Variants in LPIN2 observed in about 807,000 individuals in gnomAD.
LPIN2 encodes lipin 2.
A neutral mutation model predicts 111.4 loss-of-function variants in LPIN2; 55 were observed. The observed-to-expected ratio is 0.49, with a 90% CI of 0.40 to 0.62. The LOEUF (loss-of-function observed/expected upper bound fraction) is 0.62, where lower values mean the gene tolerates loss of function less well. Among genes scored for constraint, LPIN2 ranks in the 20% least tolerant of loss-of-function variants. LPIN2 has a pLI of 0.00. For missense variants in LPIN2, 992 were observed against 1,112.1 expected (o/e 0.89, Z 1.54); for synonymous variants, 425 against 414.0 (o/e 1.03, Z -0.32).
At chr18:2,966,948 T>C (rs1226477195) in intron 1 of LPIN2, 17 of 152,090 alleles carry the variant, frequency 1.1e-4, no homozygotes, top group Admixed American at 7.9e-4. Context: ...CTTCAGGAAA[T>C]AGACAACAGG....
intron 1 of LPIN2, among the ~76,000 whole-genome samples, chr18:3,010,274 G>A (rs1463618895): frequency 6.6e-6 from 1 of 152,184 alleles, no homozygotes; most frequent in African/African-American, 2.4e-5. Flanking sequence ...AAGCCGCTAA[G>A]CCAAGTTATT....
chr18:2,928,448 T>G, intron 11 of LPIN2, 143 bp downstream of exon 11: 1 of 824,664 alleles, frequency 1.2e-6, no homozygotes. Flanking sequence ...TGGGTACATA[T>G]GACTTTGATC....
chr18:2,925,231 T>C lies in LPIN2; in HGVS notation c.1931A>G (p.Asp644Gly), dbSNP rs1278329924. The stretch of plus-strand genomic sequence containing the variant: ...AGATCATGCAAGACTCACGATCTGG[T>C]CTGAGGAGAGGCGGAGAGACTTCTT... ...SYKKSLRLSSDQIAKLKLHDG... is the reference protein window; with the variant it reads ...SYKKSLRLSSGQIAKLKLHDG... Residue 644 changes from aspartate (D) to glycine (G), a missense_variant, in exon 14 of 20, where the codon GAC becomes GGC. This residue lies in a region of LPIN2 where 709 missense variants were observed against 753.2 expected (regional missense o/e 0.94). Transcript: ENST00000677752. This position sits in a 1 kb window ranked among gnomAD's most constrained non-coding sequence, Gnocchi z 4.1. The C allele has an allele frequency of 6.2e-7, 1 of 1,614,182 alleles. No homozygotes were observed. Among genetic ancestry groups the C allele is most frequent in the Non-Finnish European group, 8.5e-7 (1 of 1,180,018 alleles).
At chr18:2,971,406 C>T (rs946389049) in intron 1 of LPIN2, among the ~76,000 whole-genome samples, 1 of 151,752 alleles carries the variant, frequency 6.6e-6, no homozygotes, top group African/African-American at 2.4e-5. Flanking sequence ...GGATCTGTTG[C>T]TGTGAGTGCC....
chr18:2,980,187 G>C (rs2078086452), intron 1 of LPIN2, among the ~76,000 whole-genome samples: 1 of 152,198 alleles, frequency 6.6e-6, no homozygotes, highest in Non-Finnish European at 1.5e-5. Context: ...CAGAAAGAAA[G>C]AGGAAATTCT....
chr18:2,936,332 ACC>A (rs2077284495), intron 7 of LPIN2, among the ~76,000 whole-genome samples: 1 of 152,224 alleles, frequency 6.6e-6, no homozygotes, highest in African/African-American at 2.4e-5. Flanking sequence ...GTATGTTCTG[ACC>A]CACTGTACCA....
chr18:2,966,280 A>G (rs2077802426), intron 1 of LPIN2, among the ~76,000 whole-genome samples: 1 of 152,148 alleles, frequency 6.6e-6, no homozygotes, highest in Admixed American at 6.5e-5. Flanking sequence ...GTGTTTCAAA[A>G]TCTGTTTCTT....
intron 9 of LPIN2, among the ~76,000 whole-genome samples, chr18:2,929,399 G>A (rs1043866450): frequency 2.0e-5 from 3 of 151,998 alleles, no homozygotes; most frequent in Non-Finnish European, 4.4e-5. Context: ...TAGTAAAAAG[G>A]GACATGACAG....
chr18:3,008,603 G>A (rs948709644), intron 1 of LPIN2, among the ~76,000 whole-genome samples: 27 of 152,194 alleles, frequency 1.8e-4, no homozygotes, highest in African/African-American at 4.3e-4. Flanking sequence ...TAAAGTTTCC[G>A]AAGGATGCTT....
At chr18:2,997,792 G>T (rs1025234330) in intron 1 of LPIN2, among the ~76,000 whole-genome samples, 54 of 152,230 alleles carry the variant, frequency 3.5e-4, no homozygotes, top group African/African-American at 1.3e-3. Flanking sequence ...CCATGCCACA[G>T]ACTTAGTTTT....
chr18:2,920,663 G>A (rs1357967061), intron 19 of LPIN2, 115 bp downstream of exon 19: 3 of 847,724 alleles, frequency 3.5e-6, no homozygotes, highest in Non-Finnish European at 6.0e-6. Flanking sequence ...AGATGTAGCT[G>A]ATCCTTTGAT....
At position 2,953,981 on chromosome 18, in the gene LPIN2, A is replaced by G. The variant is rs924406780; in HGVS notation, c.288+523T>C. ...CATGCTCGTTTGCTAGAAGAAGTCAAACATGTAATCACTTATAAAAGGATA... is the reference window on the plus strand; with the variant it reads ...CATGCTCGTTTGCTAGAAGAAGTCAGACATGTAATCACTTATAAAAGGATA... On this transcript the variant is annotated intron_variant, in intron 3 of 19. Transcript: ENST00000677752. Among the ~76,000 whole-genome samples the G allele has an allele frequency of 4.6e-5, 7 of 152,202 alleles. No homozygotes were observed. In the East Asian group the frequency reaches 1.3e-3, roughly 29 times the overall value.
In LPIN2 at chr18:2,920,085, T is replaced by C; in HGVS notation, c.*208A>G. The C allele has an allele frequency of 1.6e-6, 1 of 638,730 alleles. No homozygotes were observed. The highest frequency in any genetic ancestry group is 4.3e-4 in the Middle Eastern group (1 of 2,340). 39.6% of individuals were successfully genotyped at this position (638,730 alleles called of 1,614,324 possible). A position where few individuals can be genotyped will look rare whatever the true frequency, so the allele number is the denominator to read the frequency against. ...CCCAGGCCTCCAGCCCCAGGCCCAG[T>C]TCCTCCCTTCTCCTTCCAGGAGCTG... On this transcript the variant is annotated 3_prime_UTR_variant, in exon 20 of 20. Transcript: ENST00000677752.
At chr18:2,971,740 T>G (rs1485912991) in intron 1 of LPIN2, among the ~76,000 whole-genome samples, 2 of 95,312 alleles carry the variant, frequency 2.1e-5, no homozygotes, top group Non-Finnish European at 4.2e-5. Flanking sequence ...CATATAACCA[T>G]GCACTGGAAA....
chr18:2,951,496 G>A (rs138197444), intron 3 of LPIN2, 140 bp from the exon 4 acceptor site: 2 of 763,686 alleles, frequency 2.6e-6, no homozygotes, highest in African/African-American at 3.5e-5. Flanking sequence ...AAGTCCCACT[G>A]AACTAAGGCA....
intron 1 of LPIN2, among the ~76,000 whole-genome samples, chr18:2,999,122 C>T (rs2078390070): frequency 6.6e-6 from 1 of 152,180 alleles, no homozygotes; most frequent in African/African-American, 2.4e-5. Context: ...GTGTTATCCC[C>T]ACTCTCAAAA....
At position 3,010,795 on chromosome 18, in the gene LPIN2, A is replaced by T. The variant is rs562403197; in HGVS notation, c.-10+2292T>A. On this transcript the variant is annotated intron_variant, in intron 1 of 19. Coordinates refer to ENST00000677752, the MANE Select transcript of LPIN2 (RefSeq NM_001375808.2). The stretch of plus-strand genomic sequence containing the variant: ...TTACTGTGCTGATATATATTAGGAA[A>T]TAAGTACCCAAGGCATAGAAAAATC... Among the ~76,000 whole-genome samples the T allele has an allele frequency of 2.6e-4, 39 of 152,340 alleles. 1 individual carries two copies. Among genetic ancestry groups the T allele is most frequent in the Non-Finnish European group, 5.3e-4 (36 of 68,024 alleles).
At chr18:3,005,241 T>C (rs2078494219) in intron 1 of LPIN2, among the ~76,000 whole-genome samples, 1 of 150,986 alleles carries the variant, frequency 6.6e-6, no homozygotes, top group Non-Finnish European at 1.5e-5. Flanking sequence ...TCCCAGCTAC[T>C]AGGGAAGCCA....
intron 1 of LPIN2, among the ~76,000 whole-genome samples, chr18:2,973,983 T>G (rs531806469): frequency 1.3e-5 from 2 of 152,282 alleles, no homozygotes; most frequent in Non-Finnish European, 2.9e-5. Context: ...AACATTTGTG[T>G]ACAGGCATTT....
Sources: allele counts gnomAD v4.1 joint callset (sites outside exome capture counted in the v4.1 genomes callset), GRCh38; gene constraint gnomAD v4.1.1; regional missense constraint gnomAD v4.1.1; non-coding constraint Gnocchi (gnomAD v3.1); transcripts MANE v1.5; gene names NCBI Gene and HGNC (gene_info 2026-07-23, HGNC 2026-07-21).